DCHS2: variants seen among roughly 807,000 people sequenced by gnomAD.
DCHS2 encodes dachsous cadherin-related 2, also known as protocadherin-23.
Under a neutral mutation model 182.4 loss-of-function variants are expected in DCHS2, and 142 were observed. The ratio of observed to expected loss-of-function variants is 0.78; its 90% confidence interval spans 0.68 to 0.89. The LOEUF (loss-of-function observed/expected upper bound fraction) is 0.89, where lower values mean the gene tolerates loss of function less well. Ranked by LOEUF, DCHS2 falls within the 40% of genes least tolerant of loss-of-function variation. DCHS2 has a pLI of 0.00. For missense variants in DCHS2, 4,319 were observed against 4,198.6 expected (o/e 1.03, Z -0.79); for synonymous variants, 1,740 against 1,663.3 (o/e 1.05, Z -1.12).
At chr4:154,323,863 A>C (rs1578964046) in intron 7 of DCHS2, among the ~76,000 whole-genome samples, 2 of 143,238 alleles carry the variant, frequency 1.4e-5, no homozygotes, top group East Asian at 2.1e-4. Flanking sequence ...TCCCCCCAAA[A>C]AAAACCCACC....
At chr4:154,431,046 G>A (rs1285928760) in intron 1 of DCHS2, among the ~76,000 whole-genome samples, 1 of 152,022 alleles carries the variant, frequency 6.6e-6, no homozygotes, top group Admixed American at 6.6e-5. Context: ...ATTATTCTTA[G>A]CTGTCTACAT....
At chr4:154,380,483 T>G (rs1425045412) in intron 1 of DCHS2, among the ~76,000 whole-genome samples, 1 of 152,160 alleles carries the variant, frequency 6.6e-6, no homozygotes, top group East Asian at 1.9e-4. Flanking sequence ...CATATGGTAT[T>G]CTCAATAACT....
intron 1 of DCHS2, among the ~76,000 whole-genome samples, chr4:154,472,724 T>A (rs1158219611): frequency 6.6e-6 from 1 of 151,960 alleles, no homozygotes; most frequent in African/African-American, 2.4e-5. Context: ...CCATATTAAA[T>A]ATGTAGGTTT....
At chr4:154,337,816 C>T (rs1296128435) in intron 3 of DCHS2, among the ~76,000 whole-genome samples, 1 of 152,050 alleles carries the variant, frequency 6.6e-6, no homozygotes, top group Non-Finnish European at 1.5e-5. Flanking sequence ...TCTCAGCTCA[C>T]TGTGACCTCC....
At chr4:154,320,277 CAAT>C in intron 9 of DCHS2, 99 bp downstream of exon 9, 2 of 1,488,424 alleles carry the variant, frequency 1.3e-6, no homozygotes. Context: ...CAGTCAACAA[CAAT>C]GTATTGTACA....
At chr4:154,319,052 T>A (rs1346337294) in intron 9 of DCHS2, among the ~76,000 whole-genome samples, 1 of 152,052 alleles carries the variant, frequency 6.6e-6, no homozygotes, top group Non-Finnish European at 1.5e-5. Context: ...CCATATATGG[T>A]CAATTGATCT....
intron 17 of DCHS2, 143 bp from the exon 18 acceptor site, chr4:154,240,966 T>G: frequency 7.6e-7 from 1 of 1,319,284 alleles, no homozygotes; most frequent in Non-Finnish European, 1.0e-6. Flanking sequence ...CAAAGCTCAT[T>G]ATGCACTGAA....
At chr4:154,293,357 T>C (rs1198707810) in intron 13 of DCHS2, among the ~76,000 whole-genome samples, 1 of 152,156 alleles carries the variant, frequency 6.6e-6, no homozygotes, top group Non-Finnish European at 1.5e-5. Context: ...ATTATTTGTA[T>C]TTTTAGTAGA....
At chr4:154,346,744 T>A (rs1270924293) in intron 3 of DCHS2, among the ~76,000 whole-genome samples, 1 of 151,866 alleles carries the variant, frequency 6.6e-6, no homozygotes, top group Non-Finnish European at 1.5e-5. Flanking sequence ...TCAAAAACTA[T>A]AGAAAAATAA....
chr4:154,489,449 T>C lies in DCHS2; in HGVS notation c.1907A>G (p.Gln636Arg). ...QEAVELKVVA[Q>R]DLGEPPLSAT... is the part of the protein sequence containing the mutation. The stretch of plus-strand genomic sequence containing the variant: ...AGAGAGTGGGGGCTCTCCGAGGTCC[T>C]GGGCCACCACTTTCAGCTCCACCGC... Residue 636 changes from glutamine to arginine, a missense_variant, in exon 1 of 20, where the codon CAG becomes CGG. Coordinates refer to ENST00000357232, the MANE Select transcript of DCHS2 (RefSeq NM_001358235.2). The C allele has an allele frequency of 6.4e-7, 1 of 1,551,750 alleles. No individual in the cohort carries two copies. The highest frequency in any genetic ancestry group is 8.7e-7 in the Non-Finnish European group (1 of 1,146,996).
At chr4:154,364,130 A>G (rs1443772084) in intron 3 of DCHS2, among the ~76,000 whole-genome samples, 1 of 152,218 alleles carries the variant, frequency 6.6e-6, no homozygotes, top group Non-Finnish European at 1.5e-5. Flanking sequence ...GCTTAAAAAT[A>G]AAATTCCATG....
At position 154,322,360 on chromosome 4, in the gene DCHS2, G is replaced by C. The variant is rs998572205; in HGVS notation, c.4147C>G (p.Leu1383Val). The C allele has an allele frequency of 6.2e-6, 10 of 1,613,596 alleles. No homozygotes were observed. Among genetic ancestry groups the C allele is most frequent in the Non-Finnish European group, 8.5e-6 (10 of 1,179,796 alleles). The change falls in exon 8 of 20, where the codon CTT becomes GTT. Residue 1383 changes from leucine (L) to valine (V), a missense_variant. By Grantham distance (32) the Leu-to-Val change is conservative. Coordinates refer to ENST00000357232, the MANE Select transcript of DCHS2 (RefSeq NM_001358235.2). ...ATATTAACAACTGCCTGTCCTTGAA[G>C]AGGAGGCACTCCCTGGTCAGTGGCA... Reference protein sequence around the residue: ...VIATDQGVPPLQGQAVVNIQV... With the variant: ...VIATDQGVPPVQGQAVVNIQV...
chr4:154,242,146 A>G (rs1299574104), intron 17 of DCHS2, among the ~76,000 whole-genome samples: 1 of 152,176 alleles, frequency 6.6e-6, no homozygotes, highest in Admixed American at 6.5e-5. Context: ...TCTCACTTAA[A>G]AATTTCTAGT....
intron 1 of DCHS2, among the ~76,000 whole-genome samples, chr4:154,397,449 T>C (rs1731978783): frequency 6.6e-6 from 1 of 152,212 alleles, no homozygotes; most frequent in African/African-American, 2.4e-5. Context: ...ATTTAGGATA[T>C]GGGCTCAATT....
intron 2 of DCHS2, 125 bp from the exon 3 acceptor site, chr4:154,366,566 G>A: frequency 1.5e-6 from 1 of 676,744 alleles, no homozygotes; most frequent in Non-Finnish European, 2.6e-6. Context: ...GTTTGTATAT[G>A]TATATGTGTG....
chr4:154,313,303 T>C (rs748557243), intron 10 of DCHS2, among the ~76,000 whole-genome samples: 1 of 152,102 alleles, frequency 6.6e-6, no homozygotes, highest in Admixed American at 6.5e-5. Context: ...AATCTGGTAG[T>C]TGTTTTTTCC....
At chr4:154,485,138 G>C (rs576907852) in intron 1 of DCHS2, among the ~76,000 whole-genome samples, 1 of 152,136 alleles carries the variant, frequency 6.6e-6, no homozygotes, top group South Asian at 2.1e-4. Context: ...GAATATACAG[G>C]AAGAGATTAT....
chr4:154,405,119 G>A (rs911004916), intron 1 of DCHS2, among the ~76,000 whole-genome samples: 3 of 151,948 alleles, frequency 2.0e-5, no homozygotes, highest in African/African-American at 7.3e-5. Flanking sequence ...GCCTGGTGGC[G>A]GTCACCTGTA....
At chr4:154,296,331 TG>T (rs1407060493) in intron 13 of DCHS2, among the ~76,000 whole-genome samples, 3 of 151,710 alleles carry the variant, frequency 2.0e-5, no homozygotes, top group Non-Finnish European at 2.9e-5. Context: ...ATGCGAGGGG[TG>T]GAGGGGTAGT....
Sources: gnomAD v4.1 joint callset for allele counts (sites outside exome capture counted in the v4.1 genomes callset) on GRCh38, gnomAD v4.1.1 for gene constraint, MANE v1.5 for transcripts, NCBI Gene and HGNC (gene_info 2026-07-23, HGNC 2026-07-21) for gene names.